ZNF423: variants seen among roughly 807,000 people sequenced by gnomAD.
ZNF423 encodes Ebf-associated zinc finger protein.
In ZNF423, 12 loss-of-function variants were observed where a neutral mutation model predicts 95.8. The observed-to-expected ratio is 0.13, with a 90% CI of 0.08 to 0.20. The LOEUF (loss-of-function observed/expected upper bound fraction) is 0.20. ZNF423 is among the 10% of genes least tolerant of loss of function. The pLI, the probability that ZNF423 is intolerant of heterozygous loss-of-function variation, is 1.00. For missense variants in ZNF423, 1,316 were observed against 1,737.1 expected (o/e 0.76, Z 4.31); for synonymous variants, 749 against 711.9 (o/e 1.05, Z -0.83).
chr16:49,731,039 C>G, intron 2 of ZNF423, 68 bp from the exon 3 acceptor site: 1 of 1,536,890 alleles, frequency 6.5e-7, no homozygotes, highest in Admixed American at 1.7e-5. Context: ...AAAAGAATCG[C>G]CCGGCATTTA....
At chr16:49,616,143 T>C (rs746398069) in intron 5 of ZNF423, among the ~76,000 whole-genome samples, 46 of 152,178 alleles carry the variant, frequency 3.0e-4, no homozygotes, top group Non-Finnish European at 5.9e-4. Context: ...GCTTACTGCC[T>C]GGCACACAGT....
intron 1 of ZNF423, among the ~76,000 whole-genome samples, chr16:49,837,070 A>G (rs1056341516): frequency 3.4e-5 from 5 of 146,086 alleles, no homozygotes; most frequent in African/African-American, 1.3e-4. Flanking sequence ...GCCTGGTTTG[A>G]TGTCTGGGGG....
intron 3 of ZNF423, among the ~76,000 whole-genome samples, chr16:49,707,775 T>G (rs2032402986): frequency 6.6e-6 from 1 of 152,302 alleles, no homozygotes; most frequent in South Asian, 2.1e-4. Flanking sequence ...CCCTAAGCAC[T>G]TCCTTGCAGA....
intron 6 of ZNF423, among the ~76,000 whole-genome samples, chr16:49,524,836 C>A (rs576157280): frequency 6.6e-6 from 1 of 152,194 alleles, no homozygotes; most frequent in African/African-American, 2.4e-5. Flanking sequence ...AGACTTGCCT[C>A]GGGCTGGGAC....
intron 3 of ZNF423, among the ~76,000 whole-genome samples, chr16:49,707,614 CAA>C (rs55751184): frequency 1.5e-4 from 8 of 54,788 alleles, no homozygotes; most frequent in Admixed American, 2.2e-4. Context: ...GAGACTGTCT[CAA>C]AAAAAAAAAA....
intron 3 of ZNF423, among the ~76,000 whole-genome samples, chr16:49,671,278 A>G (rs1346580446): frequency 1.3e-5 from 2 of 152,148 alleles, no homozygotes; most frequent in Non-Finnish European, 2.9e-5. Context: ...CGAGGTGTGA[A>G]GGGGGTCCCC....
intron 5 of ZNF423, among the ~76,000 whole-genome samples, chr16:49,597,891 C>T (rs1458298554): frequency 1.3e-5 from 2 of 152,148 alleles, no homozygotes; most frequent in Non-Finnish European, 2.9e-5. Flanking sequence ...TTGTTCATTC[C>T]TCAGTCAAAA....
At chr16:49,503,803 C>T (rs1182522203) in intron 7 of ZNF423, among the ~76,000 whole-genome samples, 1 of 152,176 alleles carries the variant, frequency 6.6e-6, no homozygotes, top group East Asian at 1.9e-4. Flanking sequence ...AAAAACTCAA[C>T]GAGTATTTCT....
At position 49,636,417 on chromosome 16, in the gene ZNF423, C is replaced by T. The variant is rs767903828; in HGVS notation, c.2759G>A (p.Arg920Gln). The change falls in exon 4 of 8, where the codon CGG becomes CAG. Residue 920 changes from arginine (R) to glutamine (Q), a missense_variant. This residue lies in a region of ZNF423 where 620 missense variants were observed against 775.6 expected (regional missense o/e 0.80). Transcript: ENST00000563137. This position sits in a 1 kb window ranked among gnomAD's most constrained non-coding sequence, Gnocchi z 8.6. ...GCGTGAGCCATCATCCTCGCCCGGC[C>T]GGATATTGTGGTCCCGCAGCCGGTG... is the stretch of plus-strand genomic sequence containing the variant. ...QNHRLRDHNI[R>Q]PGEDDGSRKK... The T allele has an allele frequency of 1.2e-5, 19 of 1,613,222 alleles. No homozygotes were observed. The Admixed American group carries it at 1.3e-4, about 11-fold the overall frequency.
Position 49,492,412 on chromosome 16 carries a change from C to T in ZNF423, c.3850-1108G>A, listed in dbSNP as rs1349949971. Reference sequence around the variant, plus strand: ...GGTCAGCAGAGGCACCGCGTCTCTCCTGGGCTCGGGTCCGCGGCGAGGGCG... The same window carrying T: ...GGTCAGCAGAGGCACCGCGTCTCTCTTGGGCTCGGGTCCGCGGCGAGGGCG... On this transcript the variant is annotated intron_variant, in intron 7 of 7. Coordinates refer to ENST00000563137, the MANE Select transcript of ZNF423 (RefSeq NM_001379286.1). This position sits in a 1 kb window ranked among gnomAD's most constrained non-coding sequence, Gnocchi z 4.2. 6.6e-6 allele frequency among the ~76,000 whole-genome samples: 1 copy of T among 152,188 alleles called. No individual in the cohort carries two copies. The highest frequency in any genetic ancestry group is 1.5e-5 in the Non-Finnish European group (1 of 68,002).
At chr16:49,713,136 C>CA in intron 3 of ZNF423, among the ~76,000 whole-genome samples, 1 of 152,308 alleles carries the variant, frequency 6.6e-6, no homozygotes, top group South Asian at 2.1e-4. Context: ...AAAGTGCTGG[C>CA]AATTGGCTTG....
In ZNF423 at chr16:49,695,614, G is replaced by C. The variant is rs1237990788; in HGVS notation, c.301+35157C>G. The stretch of plus-strand genomic sequence containing the variant: ...AGCAATTTTTGTATTTTTAGTAGAA[G>C]CGGAGTTTCGCCATGTTGGCCAAGC... On this transcript the variant is annotated intron_variant, in intron 3 of 7. Transcript: ENST00000563137. 2.0e-5 allele frequency among the ~76,000 whole-genome samples: 3 copies of C among 151,854 alleles called. 1 individual carries two copies. Among genetic ancestry groups the C allele is most frequent in the Admixed American group, 2.0e-4 (3 of 15,252 alleles).
chr16:49,709,784 A>G (rs1017594167), intron 3 of ZNF423, among the ~76,000 whole-genome samples: 3 of 152,166 alleles, frequency 2.0e-5, no homozygotes, highest in Non-Finnish European at 2.9e-5. Flanking sequence ...GGCACATAGA[A>G]GTCTCCATCT....
At chr16:49,701,515 C>G (rs62031931) in intron 3 of ZNF423, among the ~76,000 whole-genome samples, 263 of 152,122 alleles carry the variant, frequency 1.7e-3, no homozygotes, top group Non-Finnish European at 3.1e-3. Flanking sequence ...TATCTCAAAC[C>G]GACCCCAAAC....
At chr16:49,656,486 G>A (rs1380504263) in intron 3 of ZNF423, among the ~76,000 whole-genome samples, 1 of 151,700 alleles carries the variant, frequency 6.6e-6, no homozygotes, top group African/African-American at 2.4e-5. Flanking sequence ...ATCCAGCCTG[G>A]ATGACAGAGC....
chr16:49,532,078 T>A (rs970952627), intron 5 of ZNF423, among the ~76,000 whole-genome samples: 5 of 152,224 alleles, frequency 3.3e-5, no homozygotes, highest in African/African-American at 4.8e-5. Context: ...ATATTCTATG[T>A]GGAAGGATCT....
chr16:49,753,294 C>G (rs1173439851), intron 2 of ZNF423, among the ~76,000 whole-genome samples: 1 of 151,706 alleles, frequency 6.6e-6, no homozygotes. Context: ...AAATGCAAGG[C>G]AAGTATTGAA....
At chr16:49,811,181 C>T (rs902749492) in intron 1 of ZNF423, among the ~76,000 whole-genome samples, 2 of 152,034 alleles carry the variant, frequency 1.3e-5, no homozygotes, top group East Asian at 3.9e-4. Flanking sequence ...ACAGATGGGA[C>T]GATTTCAAGA....
At chr16:49,610,659 G>A (rs1403183820) in intron 5 of ZNF423, among the ~76,000 whole-genome samples, 3 of 151,932 alleles carry the variant, frequency 2.0e-5, no homozygotes, top group Non-Finnish European at 4.4e-5. Context: ...GCAGACTGAA[G>A]CTCTCACATA....
Sources: allele counts gnomAD v4.1 joint callset (sites outside exome capture counted in the v4.1 genomes callset), GRCh38; gene constraint gnomAD v4.1.1; regional missense constraint gnomAD v4.1.1; non-coding constraint Gnocchi (gnomAD v3.1); transcripts MANE v1.5; gene names NCBI Gene and HGNC (gene_info 2026-07-23, HGNC 2026-07-21).